NOS1AP: variants seen among roughly 807,000 people sequenced by gnomAD.
NOS1AP encodes carboxyl-terminal PDZ ligand of neuronal nitric oxide synthase protein.
NOS1AP carries 21 observed loss-of-function variants against 56.2 expected under a neutral mutation model. The observed-to-expected ratio is 0.37, with a 90% CI of 0.26 to 0.54. The LOEUF is 0.54. Among genes scored for constraint, NOS1AP ranks in the 20% least tolerant of loss-of-function variants. The probability of loss-of-function intolerance (pLI) is 0.84; values close to 1 mark genes in which losing one functional copy is unlikely to be tolerated. For missense variants in NOS1AP, 522 were observed against 657.8 expected (o/e 0.79, Z 2.26); for synonymous variants, 270 against 274.6 (o/e 0.98, Z 0.17).
intron 1 of NOS1AP, among the ~76,000 whole-genome samples, chr1:162,115,397 GTT>G (rs1284433353): frequency 6.9e-6 from 1 of 144,616 alleles, no homozygotes. Flanking sequence ...CAGGTGCTCT[GTT>G]TTTTTTTTTT....
At position 162,367,251 on chromosome 1, in the gene NOS1AP, G is replaced by A. The variant is rs951634465; in HGVS notation, c.1305G>A (p.Pro435=). Residue 435 remains proline, a synonymous_variant, in exon 10 of 10, where the codon CCG becomes CCA. Coordinates refer to ENST00000361897, the MANE Select transcript of NOS1AP (RefSeq NM_014697.3). This position sits in a 1 kb window ranked among gnomAD's most constrained non-coding sequence, Gnocchi z 6.5. ...AGCTGGAGTGCTTTCGCTTTCTTCC[G>A]CCCGAGGACACCCCGCCCCCAGCGC... ...LVKLECFRFL[P]PEDTPPPAQG... is the part of the protein sequence containing the mutation. 1.9e-6 allele frequency: 3 copies of A among 1,613,656 alleles called. No homozygotes were observed. Among genetic ancestry groups the A allele is most frequent in the East Asian group, 4.5e-5 (2 of 44,868 alleles).
chr1:162,249,706 C>A (rs1653789688), intron 2 of NOS1AP, among the ~76,000 whole-genome samples: 1 of 152,152 alleles, frequency 6.6e-6, no homozygotes, highest in Admixed American at 6.5e-5. Flanking sequence ...GGGATACAAT[C>A]ATGAGAAAAA....
rs866264966 is a variant in NOS1AP, at chr1:162,160,918, G to A, written c.177+6442G>A. ...AAAATCAAGGAGTTGGCAGGGCTGC[G>A]TTCCTTCTGGAGGTTCTAGAGGAGA... On this transcript the variant is annotated intron_variant, in intron 2 of 9. Coordinates refer to ENST00000361897, the MANE Select transcript of NOS1AP (RefSeq NM_014697.3). Among the ~76,000 whole-genome samples the A allele has an allele frequency of 7.2e-5, 11 of 152,308 alleles. No individual in the cohort carries two copies. The South Asian group carries it at 1.7e-3, about 23-fold the overall frequency.
intron 1 of NOS1AP, among the ~76,000 whole-genome samples, chr1:162,136,267 G>T (rs1048909005): frequency 2.0e-5 from 3 of 152,034 alleles, no homozygotes; most frequent in African/African-American, 4.8e-5. Flanking sequence ...CTGAGATGGG[G>T]ATTCTTTATT....
At chr1:162,207,446 A>T (rs1039489630) in intron 2 of NOS1AP, among the ~76,000 whole-genome samples, 4 of 152,256 alleles carry the variant, frequency 2.6e-5, no homozygotes, top group Non-Finnish European at 5.9e-5. Context: ...TGGGAACAGC[A>T]GAGCTGTTCG....
intron 3 of NOS1AP, among the ~76,000 whole-genome samples, chr1:162,290,549 C>T (rs1417817055): frequency 6.6e-6 from 1 of 152,178 alleles, no homozygotes; most frequent in African/African-American, 2.4e-5. Context: ...TGGCAAATGT[C>T]ACTGATCACC....
chr1:162,106,731 C>T (rs12757771), intron 1 of NOS1AP, among the ~76,000 whole-genome samples: 14,203 of 152,112 alleles, frequency 0.093, 939 homozygotes, highest in South Asian at 0.25. Context: ...AAAGTTTGAC[C>T]ACAACTCTGT....
intron 1 of NOS1AP, among the ~76,000 whole-genome samples, chr1:162,126,309 C>T (rs1648485732): frequency 6.6e-6 from 1 of 151,972 alleles, no homozygotes; most frequent in Non-Finnish European, 1.5e-5. Context: ...GACTTCAGGC[C>T]TCCTTATATT....
chr1:162,331,832 TG>T (rs533690617), intron 4 of NOS1AP, among the ~76,000 whole-genome samples: 1 of 123,984 alleles, frequency 8.1e-6, no homozygotes, highest in Non-Finnish European at 1.8e-5. Flanking sequence ...CTGGAGGCCC[TG>T]GGGGGGCCCT....
At chr1:162,118,483 A>C (rs962469723) in intron 1 of NOS1AP, among the ~76,000 whole-genome samples, 1 of 152,046 alleles carries the variant, frequency 6.6e-6, no homozygotes, top group African/African-American at 2.4e-5. Flanking sequence ...TTTCCTGTCC[A>C]CTGGTGATGG....
chr1:162,360,872 C>T (rs1488074927), intron 8 of NOS1AP: 6 of 456,712 alleles, frequency 1.3e-5, no homozygotes, highest in Admixed American at 4.7e-5. Flanking sequence ...CCTGCTACTC[C>T]CTAACTTCAG....
At chr1:162,201,415 C>T (rs1028064115) in intron 2 of NOS1AP, among the ~76,000 whole-genome samples, 1 of 152,098 alleles carries the variant, frequency 6.6e-6, no homozygotes, top group Non-Finnish European at 1.5e-5. Flanking sequence ...TAAATAGATG[C>T]ATGCATGTAT....
At chr1:162,116,142 T>C (rs2102045818) in intron 1 of NOS1AP, among the ~76,000 whole-genome samples, 1 of 152,196 alleles carries the variant, frequency 6.6e-6, no homozygotes, top group East Asian at 1.9e-4. Flanking sequence ...CCCTGGCCTC[T>C]GAAGTGTGAG....
In NOS1AP at chr1:162,367,278, G is replaced by A; in HGVS notation, c.1332G>A (p.Gln444=). 1.2e-6 allele frequency: 2 copies of A among 1,613,602 alleles called. No individual in the cohort carries two copies. Among genetic ancestry groups the A allele is most frequent in the South Asian group, 1.1e-5 (1 of 91,086 alleles). Residue 444 remains glutamine, a synonymous_variant, in exon 10 of 10, where the codon CAG becomes CAA. Coordinates refer to ENST00000361897, the MANE Select transcript of NOS1AP (RefSeq NM_014697.3). This position sits in a 1 kb window ranked among gnomAD's most constrained non-coding sequence, Gnocchi z 6.5. ...LPPEDTPPPA[Q]GEALLGGLEL... ...CCGAGGACACCCCGCCCCCAGCGCA[G>A]GGCGAGGCGCTCCTGGGCGGTCTGG...
chr1:162,300,733 T>C lies in NOS1AP; in HGVS notation c.344+27T>C, dbSNP rs1372720662. The C allele has an allele frequency of 1.9e-6, 3 of 1,607,280 alleles. No homozygotes were observed. The Admixed American group carries it at 5.0e-5, about 27-fold the overall frequency. On this transcript the variant is annotated intron_variant, in intron 4 of 9. Coordinates refer to ENST00000361897, the MANE Select transcript of NOS1AP (RefSeq NM_014697.3). ...TAAGAGCCCAGTCCAGCACCCAAGA[T>C]ATCACTGAGCCCCAGAGTCCTCCTG...
chr1:162,256,171 G>T (rs1003912861), intron 2 of NOS1AP, among the ~76,000 whole-genome samples: 3 of 151,918 alleles, frequency 2.0e-5, no homozygotes, highest in African/African-American at 7.3e-5. Flanking sequence ...AAAAAGAATT[G>T]GCTAAATTGG....
At chr1:162,329,731 C>T (rs1656706467) in intron 4 of NOS1AP, among the ~76,000 whole-genome samples, 1 of 152,172 alleles carries the variant, frequency 6.6e-6, no homozygotes, top group East Asian at 1.9e-4. Context: ...GAAATTTGGA[C>T]CCAAGAGACA....
intron 1 of NOS1AP, among the ~76,000 whole-genome samples, chr1:162,100,923 G>A (rs893320109): frequency 3.5e-4 from 53 of 151,612 alleles, no homozygotes; most frequent in Admixed American, 1.4e-3. Flanking sequence ...TTCACTTTGC[G>A]GAAGCTCTTT....
intron 1 of NOS1AP, among the ~76,000 whole-genome samples, chr1:162,120,088 T>C (rs74381588): frequency 4.7e-4 from 1 of 2,144 alleles, no homozygotes; most frequent in African/African-American, 6.4e-4. Context: ...GGTATATACA[T>C]ATGTATATGA....
Sources: allele counts gnomAD v4.1 joint callset (sites outside exome capture counted in the v4.1 genomes callset), GRCh38; gene constraint gnomAD v4.1.1; non-coding constraint Gnocchi (gnomAD v3.1); transcripts MANE v1.5; gene names NCBI Gene and HGNC (gene_info 2026-07-23, HGNC 2026-07-21).